The following TFB1M variants were observed in gnomAD, a reference collection of about 807,000 sequenced individuals.
TFB1M encodes the protein dimethyladenosine transferase 1, mitochondrial.
TFB1M carries 27 observed loss-of-function variants against 31.1 expected under a neutral mutation model. The ratio of observed to expected loss-of-function variants is 0.87; its 90% confidence interval spans 0.64 to 1.20. The LOEUF (loss-of-function observed/expected upper bound fraction) is 1.20. TFB1M is among the 50% of genes most tolerant of loss of function. The probability of loss-of-function intolerance (pLI) is 0.00; values close to 1 mark genes in which losing one functional copy is unlikely to be tolerated. For synonymous variants in TFB1M, 166 were observed against 151.8 expected (o/e 1.09, Z -0.69); for missense variants, 394 against 418.7 (o/e 0.94, Z 0.51).
the TFB1M span, chr6:155,250,954 G>A: frequency 3.1e-6 from 5 of 1,614,026 alleles, no homozygotes; most frequent in East Asian, 2.2e-5. Context: ...TGCACTCTAC[G>A]GTTTCCTGGT....
chr6:155,258,103 C>T (rs747858840), intron 6 of TFB1M, 21 bp from the exon 7 acceptor site: 1 of 1,613,896 alleles, frequency 6.2e-7, no homozygotes, highest in Admixed American at 1.7e-5. Context: ...GACAGACAGA[C>T]AGAAAAATAA....
intron 6 of TFB1M, 96 bp downstream of exon 6, chr6:155,260,177 G>C (rs1023639957): frequency 3.0e-6 from 4 of 1,350,274 alleles, no homozygotes; most frequent in East Asian, 4.6e-5. Context: ...GTAATACTCA[G>C]AGCTTTAAGA....
chr6:155,280,868 C>T (rs9384307), intron 5 of TFB1M, among the ~76,000 whole-genome samples: 73,471 of 151,910 alleles, frequency 0.48, 18,058 homozygotes, highest in East Asian at 0.66. Context: ...GCCTCTAAAA[C>T]GCTCTTCAAA....
chr6:155,259,309 GT>G (rs1784282546), intron 6 of TFB1M, among the ~76,000 whole-genome samples: 1 of 152,228 alleles, frequency 6.6e-6, no homozygotes, highest in South Asian at 2.1e-4. Flanking sequence ...TGCACCTTAA[GT>G]CTCTGCTAGA....
intron 5 of TFB1M, among the ~76,000 whole-genome samples, chr6:155,268,673 A>C (rs905777585): frequency 2.0e-5 from 3 of 152,126 alleles, no homozygotes; most frequent in African/African-American, 7.2e-5. Flanking sequence ...TCTCTGAAAC[A>C]TGTGCTGTGT....
chr6:155,242,458 C>T, the TFB1M span, among the ~76,000 whole-genome samples: 7 of 152,136 alleles, frequency 4.6e-5, no homozygotes, highest in East Asian at 5.8e-4. Context: ...AGCGGTCTGG[C>T]GTGGAATATG....
intron 5 of TFB1M, among the ~76,000 whole-genome samples, chr6:155,273,748 C>A (rs765726324): frequency 6.6e-6 from 1 of 152,084 alleles, no homozygotes. Flanking sequence ...GAGATCTGGA[C>A]GCTGCAGGTT....
chr6:155,245,755 G>GGTTT, the TFB1M span: 2 of 1,022,126 alleles, frequency 2.0e-6, no homozygotes, highest in Non-Finnish European at 2.8e-6. Context: ...GCCTTTTATA[G>GGTTT]TTTTTTTTTT....
downstream of TFB1M, chr6:155,252,906 C>A: frequency 6.4e-7 from 1 of 1,553,322 alleles, no homozygotes; most frequent in Non-Finnish European, 8.9e-7. Context: ...CCCTCAGTGA[C>A]AGCTTCCCTA....
At chr6:155,246,066 G>C in the TFB1M span, among the ~76,000 whole-genome samples, 5 of 149,636 alleles carry the variant, frequency 3.3e-5, no homozygotes, top group Non-Finnish European at 7.4e-5. Context: ...TGCATGCTAT[G>C]GTGTTTTTTT....
At chr6:155,239,877 G>A in the TFB1M span, among the ~76,000 whole-genome samples, 1 of 152,200 alleles carries the variant, frequency 6.6e-6, no homozygotes, top group Non-Finnish European at 1.5e-5. Flanking sequence ...GCTCTGCAGG[G>A]CTCTGCACCC....
the TFB1M span, among the ~76,000 whole-genome samples, chr6:155,235,875 C>G: frequency 6.6e-6 from 1 of 152,210 alleles, no homozygotes; most frequent in East Asian, 1.9e-4. Flanking sequence ...TACTTTAACA[C>G]TGCATTGTTA....
the TFB1M span, chr6:155,248,135 T>C: frequency 6.2e-7 from 1 of 1,614,168 alleles, no homozygotes; most frequent in Non-Finnish European, 8.5e-7. Flanking sequence ...AAGGAGCTGG[T>C]GTCCCTGACG....
chr6:155,294,850 C>T (rs895106092), intron 4 of TFB1M, among the ~76,000 whole-genome samples: 38 of 152,260 alleles, frequency 2.5e-4, no homozygotes, highest in African/African-American at 7.7e-4. Flanking sequence ...GGGATGTTTA[C>T]AACAGTTTTG....
chr6:155,296,520 C>T (rs1189088467), intron 4 of TFB1M, among the ~76,000 whole-genome samples: 2 of 150,836 alleles, frequency 1.3e-5, no homozygotes, highest in African/African-American at 2.4e-5. Flanking sequence ...CCTCGTGATC[C>T]GCCTGCCTCG....
rs1263602457 is a variant in TFB1M at position 155,260,379 on chromosome 6, A to C, written c.688T>G (p.Phe230Val). The C allele has an allele frequency of 4.3e-6, 7 of 1,614,104 alleles. No homozygotes were observed. The highest frequency in any genetic ancestry group is 5.1e-6 in the Non-Finnish European group (6 of 1,180,044). ...ATCTTGGGCTGTATCAAGGGAGTGA[A>C]GTGCACCACGCCCACGTCCACCTTC... ...KPEVDVGVVH[F>V]TPLIQPKIEQ... The change falls in exon 6 of 7, where the codon TTC becomes GTC. Residue 230 changes from phenylalanine (F) to valine (V), a missense_variant. Physicochemically the swap from Phe to Val is conservative, Grantham distance 50 (BLOSUM62 -1). This residue lies in a region of TFB1M where 115 missense variants were observed against 144.1 expected (regional missense o/e 0.80). Transcript: ENST00000367166.
intron 5 of TFB1M, among the ~76,000 whole-genome samples, chr6:155,275,425 C>T (rs536267053): frequency 6.6e-6 from 1 of 152,218 alleles, no homozygotes; most frequent in East Asian, 1.9e-4. Context: ...ATCAACACCA[C>T]CCATGCATAT....
the TFB1M span, among the ~76,000 whole-genome samples, chr6:155,233,895 T>G: frequency 6.6e-6 from 1 of 151,780 alleles, no homozygotes; most frequent in Non-Finnish European, 1.5e-5. Context: ...TTCAGGAGTT[T>G]GAGGCTGCAG....
At chr6:155,242,393 C>A in the TFB1M span, among the ~76,000 whole-genome samples, 1 of 152,206 alleles carries the variant, frequency 6.6e-6, no homozygotes, top group African/African-American at 2.4e-5. Flanking sequence ...AAATTTTTGA[C>A]ATCTATGTGT....
Sources: allele counts gnomAD v4.1 joint callset (sites outside exome capture counted in the v4.1 genomes callset), GRCh38; gene constraint gnomAD v4.1.1; regional missense constraint gnomAD v4.1.1; transcripts MANE v1.5; gene names NCBI Gene and HGNC (gene_info 2026-07-23, HGNC 2026-07-21).